FAM193B: variants seen among roughly 807,000 people sequenced by gnomAD.
FAM193B encodes the protein protein FAM193B.
A neutral mutation model predicts 70.7 loss-of-function variants in FAM193B; 27 were observed. The observed-to-expected ratio is 0.38, with a 90% confidence interval of 0.28 to 0.53. The LOEUF (loss-of-function observed/expected upper bound fraction) is 0.53, where lower values mean the gene tolerates loss of function less well. Ranked by LOEUF, FAM193B falls within the 20% of genes least tolerant of loss-of-function variation. The pLI, the probability that FAM193B is intolerant of heterozygous loss-of-function variation, is 0.81. For missense variants in FAM193B, 1,022 were observed against 1,072.5 expected (o/e 0.95, Z 0.66); for synonymous variants, 448 against 436.0 (o/e 1.03, Z -0.34).
chr5:177,524,201 C>A lies in FAM193B; in HGVS notation c.2280G>T (p.Lys760Asn). 6.4e-7 allele frequency: 1 copy of A among 1,555,486 alleles called. No individual in the cohort carries two copies. Among genetic ancestry groups the A allele is most frequent in the South Asian group, 1.2e-5 (1 of 82,486 alleles). ...TGCACTCACCCAAGGAGGAGGCTGG[C>A]TTCTCCTGCTTGTTGCGGCTCCGGC... Reference protein sequence around the residue: ...RSRRSRNKQEKPASSLDDVFL... With the variant: ...RSRRSRNKQENPASSLDDVFL... The change falls in exon 6 of 9, where the codon AAG becomes AAT. Residue 760 changes from lysine to asparagine, a missense_variant. Lys to Asn is a moderately conservative substitution (Grantham distance 94). Coordinates refer to ENST00000514747, the MANE Select transcript of FAM193B (RefSeq NM_001190946.3).
intron 5 of FAM193B, chr5:177,525,485 A>G (rs1013572226): frequency 5.8e-6 from 2 of 342,270 alleles, no homozygotes; most frequent in East Asian, 4.4e-5. Flanking sequence ...AAATGGGGAC[A>G]ATAATTCCGG....
intron 1 of FAM193B, 103 bp downstream of exon 1, chr5:177,554,146 C>A (rs760902308): frequency 1.4e-6 from 2 of 1,443,466 alleles, no homozygotes. Context: ...GCTGCTACCC[C>A]AGCCGCGGCA....
chr5:177,532,718 C>G lies in FAM193B; in HGVS notation c.1077-77G>C, dbSNP rs1240923669. The stretch of plus-strand genomic sequence containing the variant: ...AGGAAGCATCCCAACCACCACCTGC[C>G]ATCCTGACCGCCCTTCACTTGCCCC... On this transcript the variant is annotated intron_variant, in intron 4 of 8. Transcript: ENST00000514747. This position sits in a 1 kb window ranked among gnomAD's most constrained non-coding sequence, Gnocchi z 4.9. 3 of 1,352,080 alleles carry G rather than the reference C, an allele frequency of 2.2e-6. No homozygotes were observed. Among genetic ancestry groups the G allele is most frequent in the Non-Finnish European group, 2.9e-6 (3 of 1,033,096 alleles). The allele number at this position is 1,352,080 out of a possible 1,614,324, so 83.8% of individuals were successfully genotyped here.
intron 7 of FAM193B, 105 bp downstream of exon 7, chr5:177,523,852 G>A (rs1762151368): frequency 7.6e-7 from 1 of 1,318,106 alleles, no homozygotes; most frequent in Admixed American, 1.9e-5. Flanking sequence ...AGGGGTCAGG[G>A]CCAAGGGAGC....
Position 177,525,003 on chromosome 5 carries a change from C to T in FAM193B, c.1478G>A (p.Cys493Tyr), listed in dbSNP as rs780372651. The part of the protein sequence containing the change: ...KDSIRASFSV[C>Y]ELSMDSNGFS... The stretch of plus-strand genomic sequence containing the variant: ...GCCATTGCTGTCCATGCTGAGCTCA[C>T]ACACACTGAAGCTGGCACGGATGGA... The change falls in exon 6 of 9, where the codon TGT becomes TAT. Residue 493 changes from cysteine (C) to tyrosine (Y), a missense_variant. By Grantham distance (194) the Cys-to-Tyr change is radical (BLOSUM62 -2). Coordinates refer to ENST00000514747, the MANE Select transcript of FAM193B (RefSeq NM_001190946.3). 10 of 1,537,148 alleles carry T rather than the reference C, an allele frequency of 6.5e-6. No individual in the cohort carries two copies. The East Asian group carries it at 2.1e-4, about 32-fold the overall frequency.
At chr5:177,553,966 G>T in intron 1 of FAM193B, 1 of 1,256,624 alleles carries the variant, frequency 8.0e-7, no homozygotes, top group Non-Finnish European at 1.0e-6. Context: ...CCCAGTCCCA[G>T]TCCCAGTCCC....
chr5:177,552,163 C>T (rs1272951317), intron 1 of FAM193B: 1 of 735,690 alleles, frequency 1.4e-6, no homozygotes, highest in Non-Finnish European at 1.7e-6. Context: ...ATTATATCCT[C>T]CAGTTTGTTG....
chr5:177,528,658 T>C (rs1429218112), intron 5 of FAM193B, among the ~76,000 whole-genome samples: 1 of 152,138 alleles, frequency 6.6e-6, no homozygotes, highest in Non-Finnish European at 1.5e-5. Flanking sequence ...TTTTTCCTCA[T>C]TGAAATAAAA....
At chr5:177,554,056 G>C in intron 1 of FAM193B, 193 bp downstream of exon 1, 1 of 1,351,042 alleles carries the variant, frequency 7.4e-7, no homozygotes, top group Non-Finnish European at 9.5e-7. Flanking sequence ...AGCGCGGACC[G>C]AGCCTCGGCT....
At position 177,554,517 on chromosome 5, in the gene FAM193B, C is replaced by CGCCGCCGCCGCCGCCGCCGCCGCT. The variant is rs1766816102; in HGVS notation, c.-60_-59insAGCGGCGGCGGCGGCGGCGGCGGC. Reference sequence around the variant, plus strand: ...CCGCCGCCGCCGCCGCCGCCGCCGCCGCCGCCGCCGCCGCTACCGCTCCCC... The same window carrying CGCCGCCGCCGCCGCCGCCGCCGCT: ...CCGCCGCCGCCGCCGCCGCCGCCGCCGCCGCCGCCGCCGCCGCCGCCGCTGCCGCCGCCGCCGCTACCGCTCCCC... On this transcript the variant is annotated 5_prime_UTR_variant, in exon 1 of 9. Transcript: ENST00000514747. The CGCCGCCGCCGCCGCCGCCGCCGCT allele has an allele frequency of 1.1e-6, 1 of 916,190 alleles. No homozygotes were observed. The highest frequency in any genetic ancestry group is 1.8e-5 in the African/African-American group (1 of 55,392). The allele number at this position is 916,190 out of a possible 1,614,324, so 56.8% of individuals were successfully genotyped here.
chr5:177,523,826 G>C (rs1042942689), intron 7 of FAM193B, 131 bp downstream of exon 7: 34 of 941,898 alleles, frequency 3.6e-5, no homozygotes, highest in Non-Finnish European at 5.4e-5. Context: ...GCCTGGGGGG[G>C]CGGTGAGCCT....
At chr5:177,551,985 CCTT>C in intron 1 of FAM193B, 2 of 976,608 alleles carry the variant, frequency 2.0e-6, no homozygotes, top group Non-Finnish European at 2.4e-6. Context: ...AGTTTGTTTC[CCTT>C]CTTTGGGGCT....
intron 1 of FAM193B, chr5:177,552,092 T>C: frequency 1.0e-6 from 1 of 985,112 alleles, no homozygotes; most frequent in South Asian, 4.7e-5. Context: ...TGGAGTCATT[T>C]GGGCAAATGT....
At position 177,536,527 on chromosome 5, in the gene FAM193B, T is replaced by C. The variant is rs766362832; in HGVS notation, c.907A>G (p.Thr303Ala). 6.6e-7 allele frequency: 1 copy of C among 1,521,000 alleles called. No homozygotes were observed. The highest frequency in any genetic ancestry group is 1.3e-5 in the South Asian group (1 of 78,606). The allele number at this position is 1,521,000 out of a possible 1,614,324, so 94.2% of individuals were successfully genotyped here. A position where few individuals can be genotyped will look rare whatever the true frequency, so the allele number is the denominator to read the frequency against. The change falls in exon 4 of 9, where the codon ACT becomes GCT. Residue 303 changes from threonine (T) to alanine (A), a missense_variant. Thr to Ala is a moderately conservative substitution (Grantham distance 58). Coordinates refer to ENST00000514747, the MANE Select transcript of FAM193B (RefSeq NM_001190946.3). ...TGGGAGCTCTGACATGGCCCTGGAG[T>C]GTGGGGGGCAGTGGCAGCAGCAACA... ...CPVAAATAPHTPGPCQSSHLP... is the reference protein window; with the variant it reads ...CPVAAATAPHAPGPCQSSHLP...
chr5:177,524,284 C>A lies in FAM193B; in HGVS notation c.2197G>T (p.Val733Leu). The A allele has an allele frequency of 6.3e-7, 1 of 1,583,126 alleles. No individual in the cohort carries two copies. Among genetic ancestry groups the A allele is most frequent in the Non-Finnish European group, 8.6e-7 (1 of 1,164,712 alleles). The change falls in exon 6 of 9, where the codon GTG becomes TTG. Residue 733 changes from valine to leucine, a missense_variant. Transcript: ENST00000514747. ...AKARPQEQESVQPSGPARPQS... is the reference protein window; with the variant it reads ...AKARPQEQESLQPSGPARPQS... Reference sequence around the variant, plus strand: ...GGCCTTGCTGGGCCTGAGGGCTGCACAGACTCCTGCTCCTGAGGCCGTGCC... The same window carrying A: ...GGCCTTGCTGGGCCTGAGGGCTGCAAAGACTCCTGCTCCTGAGGCCGTGCC...
rs147377229 is a variant in FAM193B, at chr5:177,533,495, T to C, written c.1077-854A>G. 6.5e-3 allele frequency among the ~76,000 whole-genome samples: 985 copies of C among 152,120 alleles called. 14 individuals are homozygous for C. Among genetic ancestry groups the C allele is most frequent in the African/African-American group, 0.023 (945 of 41,490 alleles). ...AATTTTCTTGTATTTTTAGTAGAGA[T>C]GGGGTTTCACCATGTTAGCCAGGAT... On this transcript the variant is annotated intron_variant, in intron 4 of 8. Coordinates refer to ENST00000514747, the MANE Select transcript of FAM193B (RefSeq NM_001190946.3).
At chr5:177,523,326 CATT>C (rs545033413) in intron 7 of FAM193B, 380 of 285,972 alleles carry the variant, frequency 1.3e-3, no homozygotes, top group African/African-American at 8.0e-3. Context: ...AAAAAATTTG[CATT>C]ATTTAGTAAT....
At chr5:177,543,550 C>T (rs1242296277) in intron 1 of FAM193B, among the ~76,000 whole-genome samples, 3 of 152,240 alleles carry the variant, frequency 2.0e-5, no homozygotes, top group South Asian at 2.1e-4. Context: ...TAGGCCATGG[C>T]GCCTGCCCCT....
chr5:177,552,947 G>A (rs999413570), intron 1 of FAM193B, among the ~76,000 whole-genome samples: 3 of 152,194 alleles, frequency 2.0e-5, no homozygotes, highest in Non-Finnish European at 4.4e-5. Context: ...GGCCCTGGGC[G>A]AGGCGTGGAA....
Sources: gnomAD v4.1 joint callset for allele counts (sites outside exome capture counted in the v4.1 genomes callset) on GRCh38, gnomAD v4.1.1 for gene constraint, Gnocchi (gnomAD v3.1) non-coding constraint, MANE v1.5 for transcripts, NCBI Gene and HGNC (gene_info 2026-07-23, HGNC 2026-07-21) for gene names.